Variants in AKAP12 observed in about 807,000 individuals in gnomAD.
AKAP12 encodes the protein A-kinase anchor protein 12.
In AKAP12, 32 loss-of-function variants were observed where a neutral mutation model predicts 79.9. The ratio of observed to expected loss-of-function variants is 0.40; its 90% CI spans 0.30 to 0.54. The LOEUF (loss-of-function observed/expected upper bound fraction) is 0.54, where lower values mean the gene tolerates loss of function less well. Ranked by LOEUF, AKAP12 falls within the 20% of genes least tolerant of loss-of-function variation. The probability of loss-of-function intolerance (pLI) is 0.48; values close to 1 mark genes in which losing one functional copy is unlikely to be tolerated. For synonymous variants in AKAP12, 808 were observed against 857.0 expected (o/e 0.94, Z 1.00); for missense variants, 2,074 against 2,177.0 (o/e 0.95, Z 0.94).
Position 151,279,186 on chromosome 6 carries a change from G to A in AKAP12, c.163-26561G>A, listed in dbSNP as rs73615423. On this transcript the variant is annotated intron_variant, in intron 2 of 4. Coordinates refer to ENST00000402676, the MANE Select transcript of AKAP12 (RefSeq NM_005100.4). ...CAGAACCTGAGTCGGACTTACTTAG[G>A]AAGACATTCTCTGTTGTTTTAGTGT... 2.8e-3 allele frequency among the ~76,000 whole-genome samples: 428 copies of A among 152,194 alleles called. 4 individuals carry two copies. The highest frequency in any genetic ancestry group is 8.0e-3 in the African/African-American group (333 of 41,528).
intron 3 of AKAP12, among the ~76,000 whole-genome samples, chr6:151,310,279 C>A (rs1777063842): frequency 1.3e-5 from 2 of 152,054 alleles, no homozygotes; most frequent in African/African-American, 2.4e-5. Context: ...GCAGGAGAAT[C>A]GCTTGAACCC....
At chr6:151,316,252 T>C (rs936743030) in intron 3 of AKAP12, among the ~76,000 whole-genome samples, 1 of 152,218 alleles carries the variant, frequency 6.6e-6, no homozygotes, top group Non-Finnish European at 1.5e-5. Flanking sequence ...CGACCTCTAG[T>C]GTTAACCAGT....
Position 151,351,422 on chromosome 6 carries a change from G to A in AKAP12, c.3031G>A (p.Asp1011Asn), listed in dbSNP as rs1220071956. 3.7e-6 allele frequency: 6 copies of A among 1,614,204 alleles called. No homozygotes were observed. In the Admixed American group the frequency reaches 5.0e-5, roughly 13 times the overall value. The stretch of plus-strand genomic sequence containing the variant: ...GGTGTCAGCAGTCTCCCAGTTAACC[G>A]ACTCCCCAGACACCACAGAGGAGGC... Reference protein sequence around the residue: ...EMVSAVSQLTDSPDTTEEATP... With the variant: ...EMVSAVSQLTNSPDTTEEATP... Residue 1011 changes from aspartate to asparagine, a missense_variant, in exon 4 of 5, where the codon GAC (aspartate) becomes AAC (asparagine). Around this residue, in one of 3 missense-constraint regions of AKAP12, gnomAD observed 1,428 missense variants for 1,451.0 expected, o/e 0.98. Coordinates refer to ENST00000402676, the MANE Select transcript of AKAP12 (RefSeq NM_005100.4). The surrounding 1 kb of genome is among the most constrained non-coding windows in gnomAD (Gnocchi z 4.4).
intron 2 of AKAP12, among the ~76,000 whole-genome samples, chr6:151,289,620 A>G (rs1258198966): frequency 2.6e-5 from 4 of 152,228 alleles, no homozygotes; most frequent in African/African-American, 4.8e-5. Context: ...AAGATGTGCA[A>G]TATAACTGTT....
chr6:151,345,932 T>TGTGAGAGAGAGAGAGAGAGAGA (rs1349850485), intron 3 of AKAP12, among the ~76,000 whole-genome samples: 13 of 101,444 alleles, frequency 1.3e-4, no homozygotes, highest in African/African-American at 5.7e-4. Flanking sequence ...TGTGTGTGTG[T>TGTGAGAGAGAGAGAGAGAGAGA]GAGAGAGAGA....
At chr6:151,348,625 T>A in intron 3 of AKAP12, 86 bp from the exon 4 acceptor site, 1 of 994,466 alleles carries the variant, frequency 1.0e-6, no homozygotes, top group Non-Finnish European at 1.5e-6. Context: ...GGCAAGAGAG[T>A]GAGGCCCTGT....
intron 2 of AKAP12, among the ~76,000 whole-genome samples, chr6:151,259,448 A>G (rs146372524): frequency 0.056 from 8,333 of 148,476 alleles, 287 homozygotes; most frequent in African/African-American, 0.087. Context: ...ATATGTGTAT[A>G]TATATACACA....
At chr6:151,302,155 C>T (rs571010319) in intron 2 of AKAP12, among the ~76,000 whole-genome samples, 3 of 151,974 alleles carry the variant, frequency 2.0e-5, no homozygotes, top group Non-Finnish European at 2.9e-5. Flanking sequence ...GGATTATAGG[C>T]GCACACCACC....
rs1285844279 is a variant in AKAP12 at position 151,277,963 on chromosome 6, TG to T, written c.163-27783del. ...AGGTTTATGTGTGTGTGTGTGTGTG[TG>T]TGTGTGTGTCTGTCTGTTTATTTTT... On this transcript the variant is annotated intron_variant, in intron 2 of 4. Transcript: ENST00000402676. Among the ~76,000 whole-genome samples, 3 of 125,772 alleles carry T rather than the reference TG, an allele frequency of 2.4e-5. No homozygotes were observed. The Admixed American group carries it at 2.8e-4, about 12-fold the overall frequency. The allele number at this position is 125,772 out of a possible 152,430, so 82.5% of individuals were successfully genotyped here. A position where few individuals can be genotyped will look rare whatever the true frequency, so the allele number is the denominator to read the frequency against.
chr6:151,326,489 T>TA (rs746340831), intron 3 of AKAP12, among the ~76,000 whole-genome samples: 6,102 of 80,268 alleles, frequency 0.076, 156 homozygotes, highest in East Asian at 0.23. Flanking sequence ...CAACAAATAG[T>TA]AAAAAAAAAA....
At chr6:151,263,260 C>T (rs1797472631) in intron 2 of AKAP12, among the ~76,000 whole-genome samples, 1 of 151,714 alleles carries the variant, frequency 6.6e-6, no homozygotes, top group South Asian at 2.1e-4. Context: ...GCCTCCAACT[C>T]TTGGGCTCAA....
At chr6:151,267,858 C>T (rs902001176) in intron 2 of AKAP12, among the ~76,000 whole-genome samples, 5 of 152,176 alleles carry the variant, frequency 3.3e-5, no homozygotes, top group Admixed American at 3.3e-4. Context: ...GTGGTTTCTT[C>T]ACCGGATTTT....
At chr6:151,250,319 G>T (rs2114683158) in intron 2 of AKAP12, among the ~76,000 whole-genome samples, 1 of 150,322 alleles carries the variant, frequency 6.7e-6, no homozygotes, top group Middle Eastern at 3.8e-3. Context: ...CCAACATGGT[G>T]AAACTCCGCT....
At chr6:151,343,987 A>C (rs767763219) in intron 3 of AKAP12, 2 of 443,852 alleles carry the variant, frequency 4.5e-6, no homozygotes, top group East Asian at 1.4e-4. Context: ...AAGTAGTTTA[A>C]ATCGTCGATG....
intron 2 of AKAP12, among the ~76,000 whole-genome samples, chr6:151,278,728 C>T (rs1260306496): frequency 1.3e-5 from 2 of 149,396 alleles, no homozygotes; most frequent in Non-Finnish European, 3.0e-5. Flanking sequence ...AGTGCAGTGG[C>T]GCGATCTCCG....
chr6:151,338,455 ATT>A lies in AKAP12; in HGVS notation c.320-10243_320-10242del, dbSNP rs57653308. On this transcript the variant is annotated intron_variant, in intron 3 of 4. Coordinates refer to ENST00000402676, the MANE Select transcript of AKAP12 (RefSeq NM_005100.4). ...TATATCAATTTAGGTTAGGTTACTCATTTTTTTTTTTTTTCCCCGAGATGGAG... is the reference window on the plus strand; with the variant it reads ...TATATCAATTTAGGTTAGGTTACTCATTTTTTTTTTTTCCCCGAGATGGAG... 5.2e-3 allele frequency among the ~76,000 whole-genome samples: 752 copies of A among 143,654 alleles called. 3 individuals are homozygous for A. Among genetic ancestry groups the A allele is most frequent in the Middle Eastern group, 0.021 (6 of 282 alleles). The allele number at this position is 143,654 out of a possible 152,430, so 94.2% of individuals were successfully genotyped here.
intron 3 of AKAP12, chr6:151,324,435 G>A (rs1295219538): frequency 4.1e-6 from 4 of 985,372 alleles, no homozygotes; most frequent in Non-Finnish European, 4.8e-6. Flanking sequence ...CCCAAAAAGT[G>A]CAACTACGTG....
At chr6:151,272,709 T>C (rs777779944) in intron 2 of AKAP12, among the ~76,000 whole-genome samples, 4 of 152,100 alleles carry the variant, frequency 2.6e-5, no homozygotes, top group Non-Finnish European at 5.9e-5. Context: ...TTCATTTTTG[T>C]ATTTTTAGTA....
intron 3 of AKAP12, chr6:151,319,527 G>GATATATATAT (rs146314242): frequency 9.9e-6 from 1 of 101,274 alleles, no homozygotes; most frequent in African/African-American, 4.0e-5. Context: ...TCTCTATATA[G>GATATATATAT]ATATATATAT....
Sources: allele counts gnomAD v4.1 joint callset (sites outside exome capture counted in the v4.1 genomes callset), GRCh38; gene constraint gnomAD v4.1.1; regional missense constraint gnomAD v4.1.1; non-coding constraint Gnocchi (gnomAD v3.1); transcripts MANE v1.5; gene names NCBI Gene and HGNC (gene_info 2026-07-23, HGNC 2026-07-21).